KAZN: variants seen among roughly 807,000 people sequenced by gnomAD.
The protein encoded by KAZN is kazrin.
Under a neutral mutation model 87.4 loss-of-function variants are expected in KAZN, and 40 were observed. The ratio of observed to expected loss-of-function variants is 0.46; its 90% CI spans 0.36 to 0.60. The LOEUF (loss-of-function observed/expected upper bound fraction) is 0.60. Among genes scored for constraint, KAZN ranks in the 20% least tolerant of loss-of-function variants. The pLI is 0.00. For missense variants in KAZN, 898 were observed against 1,073.9 expected (o/e 0.84, Z 2.29); for synonymous variants, 466 against 458.3 (o/e 1.02, Z -0.22).
chr1:14,203,818 G>A (rs973042812), intron 2 of KAZN, among the ~76,000 whole-genome samples: 1 of 152,202 alleles, frequency 6.6e-6, no homozygotes, highest in Non-Finnish European at 1.5e-5. Context: ...GAATCTTTCA[G>A]TACAATCCAT....
At chr1:14,545,774 C>T (rs888387494) in intron 2 of KAZN, among the ~76,000 whole-genome samples, 3 of 152,178 alleles carry the variant, frequency 2.0e-5, no homozygotes, top group Admixed American at 1.3e-4. Context: ...GGAGCATCCA[C>T]CTATAAGTCA....
At chr1:15,080,455 GC>G (rs943579595) in intron 8 of KAZN, among the ~76,000 whole-genome samples, 7 of 152,064 alleles carry the variant, frequency 4.6e-5, no homozygotes, top group African/African-American at 1.7e-4. Context: ...CCTGCCATCA[GC>G]CCCCAGCAGC....
In KAZN at chr1:14,757,914, A is replaced by G. The variant is rs888125921; in HGVS notation, c.226+158691A>G. Among the ~76,000 whole-genome samples, 6 of 152,130 alleles carry G rather than the reference A, an allele frequency of 3.9e-5. 1 individual carries two copies. Among genetic ancestry groups the G allele is most frequent in the Admixed American group, 3.3e-4 (5 of 15,268 alleles). On this transcript the variant is annotated intron_variant, in intron 1 of 14. Transcript: ENST00000376030. The stretch of plus-strand genomic sequence containing the variant: ...AAGGAAGAGAAGGGAGGGAGGAAAG[A>G]GAGAGGGAGGAATACGTTTTGGTTA...
At chr1:14,528,130 G>A (rs1395580435) in intron 2 of KAZN, among the ~76,000 whole-genome samples, 2 of 151,596 alleles carry the variant, frequency 1.3e-5, no homozygotes, top group African/African-American at 2.4e-5. Context: ...TCACAGTATA[G>A]CAACTCATGT....
intron 1 of KAZN, among the ~76,000 whole-genome samples, chr1:14,091,392 T>C (rs1643990062): frequency 6.6e-6 from 1 of 152,134 alleles, no homozygotes; most frequent in Non-Finnish European, 1.5e-5. Flanking sequence ...GCTTGTTGTT[T>C]GATGTCTGGA....
intron 4 of KAZN, among the ~76,000 whole-genome samples, chr1:15,047,922 G>T (rs1345106311): frequency 2.6e-5 from 4 of 152,190 alleles, no homozygotes; most frequent in African/African-American, 9.7e-5. Context: ...GTGCCCTGTG[G>T]CCCATCTTGG....
chr1:14,317,020 AAGT>A (rs756570897), intron 2 of KAZN, among the ~76,000 whole-genome samples: 1 of 151,928 alleles, frequency 6.6e-6, no homozygotes, highest in East Asian at 1.9e-4. Flanking sequence ...GGGTCTGTTG[AAGT>A]AGTCTATAAA....
At chr1:14,800,512 G>A (rs1645976334) in intron 1 of KAZN, among the ~76,000 whole-genome samples, 1 of 152,132 alleles carries the variant, frequency 6.6e-6, no homozygotes, top group Non-Finnish European at 1.5e-5. Context: ...ACTAGCCTAG[G>A]CAACATAGTG....
intron 2 of KAZN, among the ~76,000 whole-genome samples, chr1:15,027,243 G>T (rs559487006): frequency 6.6e-6 from 1 of 151,974 alleles, no homozygotes; most frequent in Non-Finnish European, 1.5e-5. Context: ...ACCACTCCCG[G>T]CTAATTTTTT....
chr1:14,845,361 G>GTGGA (rs59955064), intron 1 of KAZN, among the ~76,000 whole-genome samples: 6,324 of 147,260 alleles, frequency 0.043, 361 homozygotes, highest in African/African-American at 0.14. Context: ...GGATGGATGA[G>GTGGA]TGGATGGATG....
chr1:15,037,327 T>C (rs1318043302), intron 3 of KAZN, among the ~76,000 whole-genome samples: 1 of 152,206 alleles, frequency 6.6e-6, no homozygotes, highest in African/African-American at 2.4e-5. Flanking sequence ...GCTGACCTTC[T>C]ACTTGTCCCC....
intron 1 of KAZN, among the ~76,000 whole-genome samples, chr1:14,137,948 C>T (rs1468415753): frequency 6.6e-6 from 1 of 152,024 alleles, no homozygotes; most frequent in Non-Finnish European, 1.5e-5. Flanking sequence ...CTGAGCCAGA[C>T]CACATAATAG....
intron 2 of KAZN, among the ~76,000 whole-genome samples, chr1:14,394,395 T>C (rs551205661): frequency 6.6e-6 from 1 of 152,234 alleles, no homozygotes; most frequent in Admixed American, 6.5e-5. Flanking sequence ...GAATCTGGGA[T>C]GGGGGTAGAA....
At chr1:14,405,653 CAGAG>C (rs766842948) in intron 2 of KAZN, among the ~76,000 whole-genome samples, 2 of 102,744 alleles carry the variant, frequency 1.9e-5, no homozygotes, top group African/African-American at 3.5e-5. Flanking sequence ...TGTGTTTATA[CAGAG>C]AGAGAGATTT....
intron 1 of KAZN, among the ~76,000 whole-genome samples, chr1:14,014,317 A>G (rs1009665103): frequency 6.6e-6 from 1 of 151,912 alleles, no homozygotes. Flanking sequence ...GTGCTTGGGC[A>G]ATGACATGGA....
intron 2 of KAZN, among the ~76,000 whole-genome samples, chr1:14,521,205 G>A (rs1488967596): frequency 6.6e-6 from 1 of 152,084 alleles, no homozygotes; most frequent in Non-Finnish European, 1.5e-5. Flanking sequence ...GTCTGATGAT[G>A]CCCCCAAAAC....
At chr1:14,686,882 G>A (rs1474160665) in intron 1 of KAZN, among the ~76,000 whole-genome samples, 3 of 152,238 alleles carry the variant, frequency 2.0e-5, no homozygotes, top group Non-Finnish European at 2.9e-5. Flanking sequence ...AGAGGGAAAA[G>A]CCTTCACTGA....
chr1:14,788,068 G>T lies in KAZN; in HGVS notation c.227-172616G>T, dbSNP rs78899289. On this transcript the variant is annotated intron_variant, in intron 1 of 14. Coordinates refer to ENST00000376030, the MANE Select transcript of KAZN (RefSeq NM_201628.3). ...ACAAAAGGAAAACATGGGACCCCTTGTTCAAAAATTATGAATTTCAAGACA... is the reference window on the plus strand; with the variant it reads ...ACAAAAGGAAAACATGGGACCCCTTTTTCAAAAATTATGAATTTCAAGACA... Among the ~76,000 whole-genome samples the T allele has an allele frequency of 7.2e-3, 1,103 of 152,270 alleles. 7 individuals are homozygous for T. Among genetic ancestry groups the T allele is most frequent in the African/African-American group, 0.025 (1,034 of 41,542 alleles).
At chr1:15,049,271 C>T (rs1480562130) in intron 4 of KAZN, among the ~76,000 whole-genome samples, 1 of 152,226 alleles carries the variant, frequency 6.6e-6, no homozygotes, top group East Asian at 1.9e-4. Flanking sequence ...TGGTCCTGTC[C>T]CTGGGAGCCC....
Sources: allele counts gnomAD v4.1 joint callset (sites outside exome capture counted in the v4.1 genomes callset), GRCh38; gene constraint gnomAD v4.1.1; transcripts MANE v1.5; gene names NCBI Gene and HGNC (gene_info 2026-07-23, HGNC 2026-07-21).